Variants in DSCAML1 observed in about 807,000 individuals in gnomAD.
DSCAML1 encodes the protein DS cell adhesion molecule like 1.
A neutral mutation model predicts 200.5 loss-of-function variants in DSCAML1; 38 were observed. The ratio of observed to expected loss-of-function variants is 0.19; its 90% CI spans 0.15 to 0.25. The LOEUF is 0.25. Ranked by LOEUF, DSCAML1 falls within the 10% of genes least tolerant of loss-of-function variation. DSCAML1 has a pLI of 1.00. For synonymous variants in DSCAML1, 1,215 were observed against 1,165.0 expected (o/e 1.04, Z -0.87); for missense variants, 2,223 against 2,858.8 (o/e 0.78, Z 5.07).
At chr11:117,552,083 C>T (rs929178185) in intron 3 of DSCAML1, among the ~76,000 whole-genome samples, 27 of 151,686 alleles carry the variant, frequency 1.8e-4, no homozygotes, top group Non-Finnish European at 3.4e-4. Context: ...GGGAGAGAGG[C>T]GAGGAGCTGC....
chr11:117,493,955 G>A (rs770663020), intron 11 of DSCAML1, among the ~76,000 whole-genome samples: 7 of 152,096 alleles, frequency 4.6e-5, no homozygotes, highest in Non-Finnish European at 8.8e-5. Flanking sequence ...AAGAATGTTG[G>A]AAAAATGATA....
Position 117,512,799 on chromosome 11 carries a change from A to ACACACACC in DSCAML1, c.1783+3667_1783+3668insGGTGTGTG, listed in dbSNP as rs1555179361. ...CACACACACACACACACACACACAC[A>ACACACACC]CACCCCTCCCCTTCCCCCCACTTCC... is the stretch of plus-strand genomic sequence containing the variant. On this transcript the variant is annotated intron_variant, in intron 8 of 32. Coordinates refer to ENST00000651296, the MANE Select transcript of DSCAML1 (RefSeq NM_020693.4). Among the ~76,000 whole-genome samples, 502 of 137,562 alleles carry ACACACACC rather than the reference A, an allele frequency of 3.6e-3. 3 individuals carry two copies. Among genetic ancestry groups the ACACACACC allele is most frequent in the African/African-American group, 0.013 (458 of 35,238 alleles). The allele number at this position is 137,562 out of a possible 152,430, so 90.2% of individuals were successfully genotyped here.
At chr11:117,435,017 A>G (rs187248185) in intron 27 of DSCAML1, among the ~76,000 whole-genome samples, 49 of 152,346 alleles carry the variant, frequency 3.2e-4, no homozygotes, top group Admixed American at 2.5e-3. Flanking sequence ...TGCAGTATCT[A>G]TGATGAAGCA....
intron 7 of DSCAML1, among the ~76,000 whole-genome samples, chr11:117,517,775 G>C (rs915597739): frequency 2.0e-5 from 3 of 152,174 alleles, no homozygotes; most frequent in Non-Finnish European, 2.9e-5. Flanking sequence ...GACCCCATCG[G>C]GCTACAAAGA....
At chr11:117,594,261 T>G (rs1175045026) in intron 3 of DSCAML1, among the ~76,000 whole-genome samples, 1 of 152,198 alleles carries the variant, frequency 6.6e-6, no homozygotes, top group East Asian at 1.9e-4. Flanking sequence ...TGGGGATACT[T>G]TGACATTTTG....
chr11:117,444,377 A>G (rs1253626572), intron 20 of DSCAML1, among the ~76,000 whole-genome samples: 1 of 152,106 alleles, frequency 6.6e-6, no homozygotes, highest in East Asian at 1.9e-4. Flanking sequence ...AATGGGGGAC[A>G]GGGGGTCCCA....
At chr11:117,431,070 G>T in intron 31 of DSCAML1, 37 bp from the exon 32 acceptor site, 1 of 1,573,654 alleles carries the variant, frequency 6.4e-7, no homozygotes. Context: ...GTTACGGGGA[G>T]GAGGGTATAA....
At position 117,428,216 on chromosome 11, in the gene DSCAML1, T is replaced by C. The variant is rs1307567234; in HGVS notation, c.*112A>G. The C allele has an allele frequency of 1.5e-6, 1 of 679,174 alleles. No homozygotes were observed. Among genetic ancestry groups the C allele is most frequent in the African/African-American group, 1.9e-5 (1 of 52,366 alleles). The allele number at this position is 679,174 out of a possible 1,614,324, so 42.1% of individuals were successfully genotyped here. A position where few individuals can be genotyped will look rare whatever the true frequency, so the allele number is the denominator to read the frequency against. ...ATGATTGGGGGTTTTTGTTTTGTCG[T>C]TGGTTGGTTTTTGTCTGTCAGTTGA... is the stretch of plus-strand genomic sequence containing the variant. On this transcript the variant is annotated 3_prime_UTR_variant, in exon 33 of 33. Coordinates refer to ENST00000651296, the MANE Select transcript of DSCAML1 (RefSeq NM_020693.4).
At chr11:117,477,580 C>G (rs1230119999) in intron 14 of DSCAML1, among the ~76,000 whole-genome samples, 1 of 152,074 alleles carries the variant, frequency 6.6e-6, no homozygotes, top group Non-Finnish European at 1.5e-5. Flanking sequence ...TCCCACAGGA[C>G]TATAAATTGC....
chr11:117,437,365 A>G lies in DSCAML1; in HGVS notation c.4477T>C (p.Ser1493Pro). The change falls in exon 26 of 33, where the codon TCC (serine) becomes CCC (proline). Residue 1493 changes from serine (S) to proline (P), a missense_variant. Coordinates refer to ENST00000651296, the MANE Select transcript of DSCAML1 (RefSeq NM_020693.4). The surrounding 1 kb of genome is among the most constrained non-coding windows in gnomAD (Gnocchi z 5.3). ...KDQHLFTHINSTHARLNLQGW... is the reference protein window; with the variant it reads ...KDQHLFTHINPTHARLNLQGW... ...TGCAGGTTAAGCCGAGCATGCGTGG[A>G]GTTGATGTGGGTGAAGAGGTGTTGG... The G allele has an allele frequency of 1.2e-6, 2 of 1,613,946 alleles. No homozygotes were observed. The highest frequency in any genetic ancestry group is 1.7e-6 in the Non-Finnish European group (2 of 1,179,980).
At chr11:117,578,363 C>T (rs1243419327) in intron 3 of DSCAML1, among the ~76,000 whole-genome samples, 1 of 152,000 alleles carries the variant, frequency 6.6e-6, no homozygotes, top group Non-Finnish European at 1.5e-5. Context: ...TTCCTCCCTT[C>T]TGTTCCACAT....
In DSCAML1 at chr11:117,504,862, A is replaced by G. The variant is rs1221533623; in HGVS notation, c.2182+62T>C. The G allele has an allele frequency of 6.5e-6, 10 of 1,544,810 alleles. No homozygotes were observed. In the African/African-American group the frequency reaches 6.8e-5, roughly 11 times the overall value. On this transcript the variant is annotated intron_variant, in intron 10 of 32. Coordinates refer to ENST00000651296, the MANE Select transcript of DSCAML1 (RefSeq NM_020693.4). This position sits in a 1 kb window ranked among gnomAD's most constrained non-coding sequence, Gnocchi z 5.0. ...TGCATGGAACAGGTTCAAATCCCAC[A>G]GAGCATCCTCCGTTCCCCGTCCCTG... is the stretch of plus-strand genomic sequence containing the variant.
Position 117,780,534 on chromosome 11 carries a change from G to A in DSCAML1, c.323C>T (p.Ala108Val). 1 of 1,467,406 alleles carries A rather than the reference G, an allele frequency of 6.8e-7. No individual in the cohort carries two copies. The highest frequency in any genetic ancestry group is 9.1e-7 in the Non-Finnish European group (1 of 1,103,446). 90.9% of individuals were successfully genotyped at this position (1,467,406 alleles called of 1,614,324 possible). ...GTTGGGGCTCCGGATCTTGCCGGCA[G>A]CGTTCTCCGCGGTGCAGAAGTAGTC... is the stretch of plus-strand genomic sequence containing the variant. ...DNDYFCTAEN[A>V]AGKIRSPNIR... Residue 108 changes from alanine to valine, a missense_variant, in exon 2 of 33, where the codon GCT (alanine) becomes GTT (valine). This residue lies in a region of DSCAML1 where 579 missense variants were observed against 721.5 expected (regional missense o/e 0.80). Coordinates refer to ENST00000651296, the MANE Select transcript of DSCAML1 (RefSeq NM_020693.4). This position sits in a 1 kb window ranked among gnomAD's most constrained non-coding sequence, Gnocchi z 4.8.
chr11:117,775,537 G>GC (rs1032866680), intron 3 of DSCAML1, among the ~76,000 whole-genome samples: 58 of 152,182 alleles, frequency 3.8e-4, no homozygotes, highest in African/African-American at 1.3e-3. Flanking sequence ...TAATGGCCTG[G>GC]CCATCTGCTT....
intron 3 of DSCAML1, among the ~76,000 whole-genome samples, chr11:117,688,851 A>C (rs2053451103): frequency 6.6e-6 from 1 of 152,212 alleles, no homozygotes. Context: ...TTTTTAACCA[A>C]GGTCGTCCTA....
intron 3 of DSCAML1, among the ~76,000 whole-genome samples, chr11:117,640,166 T>TCTCCTTC (rs1591352419): frequency 1.3e-5 from 2 of 152,112 alleles, no homozygotes; most frequent in South Asian, 2.1e-4. Context: ...GAAGCAGCAC[T>TCTCCTTC]CTCCTTCCTC....
At chr11:117,812,346 T>C (rs1164885477) in intron 1 of DSCAML1, among the ~76,000 whole-genome samples, 1 of 152,180 alleles carries the variant, frequency 6.6e-6, no homozygotes, top group East Asian at 1.9e-4. Flanking sequence ...TAAACTCTCC[T>C]TACAATTCCC....
chr11:117,476,561 G>A (rs553880059), intron 14 of DSCAML1, among the ~76,000 whole-genome samples: 8 of 152,362 alleles, frequency 5.3e-5, no homozygotes, highest in East Asian at 1.9e-4. Flanking sequence ...ACCAGCTTGC[G>A]CTATGAGGCT....
chr11:117,563,872 T>G (rs1264813013), intron 3 of DSCAML1, among the ~76,000 whole-genome samples: 6 of 151,904 alleles, frequency 3.9e-5, no homozygotes, highest in Non-Finnish European at 2.9e-5. Flanking sequence ...AAGGAAGACA[T>G]GAGGAGAAAT....
Sources: gnomAD v4.1 joint callset for allele counts (sites outside exome capture counted in the v4.1 genomes callset) on GRCh38, gnomAD v4.1.1 for gene constraint, gnomAD v4.1.1 regional missense constraint, Gnocchi (gnomAD v3.1) non-coding constraint, MANE v1.5 for transcripts, NCBI Gene and HGNC (gene_info 2026-07-23, HGNC 2026-07-21) for gene names.